The following MOB1B variants were observed in gnomAD, a reference collection of about 807,000 sequenced individuals.
MOB1B encodes the protein MOB1 Mps One Binder homolog B.
In MOB1B, 19 loss-of-function variants were observed where a neutral mutation model predicts 24.4. The ratio of observed to expected loss-of-function variants is 0.78; its 90% CI spans 0.54 to 1.14. The LOEUF (loss-of-function observed/expected upper bound fraction) is 1.14. MOB1B is among the 50% of genes most tolerant of loss of function. MOB1B has a pLI of 0.00. For synonymous variants in MOB1B, 76 were observed against 82.1 expected (o/e 0.93, Z 0.40); for missense variants, 243 against 259.6 (o/e 0.94, Z 0.44).
Position 70,975,177 on chromosome 4 carries a change from A to T in MOB1B, c.300A>T (p.Gly100=). 6.2e-7 allele frequency: 1 copy of T among 1,608,828 alleles called. No individual in the cohort carries two copies. Among genetic ancestry groups the T allele is most frequent in the Middle Eastern group, 1.7e-4 (1 of 6,028 alleles). ...GATATGAGTATCATTGGGCAGATGG[A>T]ACGAACATAAAGAAACCTATTAAGT... ...GPKYEYHWAD[G]TNIKKPIKCS... Residue 100 remains glycine, a synonymous_variant, in exon 4 of 6, where the codon GGA becomes GGT. Transcript: ENST00000309395.
Position 70,946,606 on chromosome 4 carries a change from A to G in MOB1B, c.15-12268A>G, listed in dbSNP as rs115157212. Reference sequence around the variant, plus strand: ...CATGTAAATATGCATATATATAGTCATTTGTTATTGAACATTTGAAAAATG... The same window carrying G: ...CATGTAAATATGCATATATATAGTCGTTTGTTATTGAACATTTGAAAAATG... On this transcript the variant is annotated intron_variant, in intron 1 of 5. Transcript: ENST00000309395. Among the ~76,000 whole-genome samples, 299 of 152,314 alleles carry G rather than the reference A, an allele frequency of 2.0e-3. 1 individual carries two copies. The highest frequency in any genetic ancestry group is 6.9e-3 in the African/African-American group (285 of 41,558).
intron 1 of MOB1B, among the ~76,000 whole-genome samples, chr4:70,951,465 T>G (rs1407015899): frequency 2.0e-5 from 3 of 152,228 alleles, no homozygotes; most frequent in African/African-American, 7.2e-5. Flanking sequence ...CTCTAAAAAT[T>G]GATTTGCCTT....
chr4:70,910,550 C>T (rs917373690), intron 1 of MOB1B, among the ~76,000 whole-genome samples: 1 of 151,638 alleles, frequency 6.6e-6, no homozygotes, highest in East Asian at 1.9e-4. Context: ...GCATTATTGT[C>T]TCATGATGCT....
At chr4:70,959,167 A>G in intron 2 of MOB1B, 127 bp downstream of exon 2, 2 of 697,906 alleles carry the variant, frequency 2.9e-6, no homozygotes, top group Non-Finnish European at 4.7e-6. Flanking sequence ...TGATATCTCA[A>G]TCTAACTTTA....
At chr4:70,910,418 T>G (rs1284501925) in intron 1 of MOB1B, among the ~76,000 whole-genome samples, 2 of 151,810 alleles carry the variant, frequency 1.3e-5, no homozygotes, top group Non-Finnish European at 2.9e-5. Context: ...CACATGCGTG[T>G]ATATACATAT....
At chr4:70,914,304 G>T (rs1288019698) in intron 1 of MOB1B, among the ~76,000 whole-genome samples, 3 of 152,216 alleles carry the variant, frequency 2.0e-5, no homozygotes. Context: ...AGGCAGTGTG[G>T]ATATAAGGAT....
intron 4 of MOB1B, 177 bp downstream of exon 4, chr4:70,975,463 A>C (rs1023923615): frequency 1.5e-6 from 2 of 1,332,558 alleles, no homozygotes; most frequent in African/African-American, 3.0e-5. Context: ...CAGTGGTAAA[A>C]TAAGCAAGTG....
Position 70,952,653 on chromosome 4 carries a change from A to C in MOB1B, c.15-6221A>C, listed in dbSNP as rs576583606. Among the ~76,000 whole-genome samples the C allele has an allele frequency of 7.2e-3, 1,087 of 151,476 alleles. 5 individuals carry two copies. The highest frequency in any genetic ancestry group is 0.011 in the Non-Finnish European group (760 of 67,856). ...GCGAGACGCCGTCTCAAAAAAAAAAAAAAAAACAAAACAAAAACAAAAAAA... is the reference window on the plus strand; with the variant it reads ...GCGAGACGCCGTCTCAAAAAAAAAACAAAAAACAAAACAAAAACAAAAAAA... On this transcript the variant is annotated intron_variant, in intron 1 of 5. Transcript: ENST00000309395.
At chr4:70,957,594 C>T (rs970052740) in intron 1 of MOB1B, among the ~76,000 whole-genome samples, 5 of 151,878 alleles carry the variant, frequency 3.3e-5, no homozygotes, top group Non-Finnish European at 7.4e-5. Context: ...TGCACCATCA[C>T]ACCTGGCTTA....
chr4:70,971,899 C>A (rs889016375), intron 3 of MOB1B, among the ~76,000 whole-genome samples: 1 of 151,856 alleles, frequency 6.6e-6, no homozygotes, highest in African/African-American at 2.4e-5. Flanking sequence ...CTCTCTTTCT[C>A]TTCTTTCTTC....
chr4:70,928,364 C>T (rs59789276), intron 1 of MOB1B, among the ~76,000 whole-genome samples: 3,299 of 146,062 alleles, frequency 0.023, 121 homozygotes, highest in African/African-American at 0.079. Flanking sequence ...AGTGTGATCT[C>T]GGCCCACTGC....
At chr4:70,925,897 A>G (rs890608450) in intron 1 of MOB1B, among the ~76,000 whole-genome samples, 7 of 152,010 alleles carry the variant, frequency 4.6e-5, no homozygotes, top group African/African-American at 1.7e-4. Context: ...CTCCTTCTGG[A>G]TTCTAAGTTT....
At position 70,979,842 on chromosome 4, in the gene MOB1B, T is replaced by G. The variant is rs79720036; in HGVS notation, c.573+551T>G. Among the ~76,000 whole-genome samples, 98 of 152,336 alleles carry G rather than the reference T, an allele frequency of 6.4e-4. 2 individuals carry two copies. In the East Asian group the frequency reaches 0.018, roughly 27 times the overall value. ...TCTTTGGTCTGACTTCCTAGTTAAC[T>G]TCCTCTTTTTTTAGTCTTCAAATAA... is the stretch of plus-strand genomic sequence containing the variant. On this transcript the variant is annotated intron_variant, in intron 5 of 5. Coordinates refer to ENST00000309395, the MANE Select transcript of MOB1B (RefSeq NM_173468.4).
intron 1 of MOB1B, among the ~76,000 whole-genome samples, chr4:70,954,348 G>T (rs1041773664): frequency 2.0e-5 from 3 of 152,222 alleles, no homozygotes; most frequent in Admixed American, 6.5e-5. Flanking sequence ...CACTGCTAAA[G>T]AAAAAATAGG....
rs561277990 is a variant in MOB1B at position 70,907,937 on chromosome 4, C to T, written c.14+5387C>T. On this transcript the variant is annotated intron_variant, in intron 1 of 5. Transcript: ENST00000309395. ...CTGGGATTATAGGTGCATGCTACCA[C>T]GCCTGGCTACAGTTAACTTATAAAT... is the stretch of plus-strand genomic sequence containing the variant. 5.9e-5 allele frequency among the ~76,000 whole-genome samples: 9 copies of T among 152,218 alleles called. 1 individual carries two copies. The highest frequency in any genetic ancestry group is 1.9e-4 in the African/African-American group (8 of 41,528).
intron 1 of MOB1B, among the ~76,000 whole-genome samples, chr4:70,918,080 A>G (rs575963334): frequency 6.1e-4 from 93 of 152,330 alleles, no homozygotes; most frequent in Admixed American, 4.0e-3. Context: ...TATATCCTAA[A>G]GAAGATTGAA....
chr4:70,987,895 G>A lies in MOB1B; in HGVS notation c.*5838G>A, dbSNP rs1739431703. 6.6e-6 allele frequency: 1 copy of A among 152,572 alleles called. No homozygotes were observed. Among genetic ancestry groups the A allele is most frequent in the Non-Finnish European group, 1.5e-5 (1 of 68,006 alleles). The allele number at this position is 152,572 out of a possible 1,614,324, so 9.5% of individuals were successfully genotyped here. A position where few individuals can be genotyped will look rare whatever the true frequency, so the allele number is the denominator to read the frequency against. On this transcript the variant is annotated 3_prime_UTR_variant, in exon 6 of 6. Transcript: ENST00000309395. ...GAAGGGGAAAAATCATCTAAGTTAT[G>A]AAATCCAACATAGGCGCTATATTAC...
At position 70,944,055 on chromosome 4, in the gene MOB1B, C is replaced by CT. The variant is rs940341639; in HGVS notation, c.15-14808dup. On this transcript the variant is annotated intron_variant, in intron 1 of 5. Coordinates refer to ENST00000309395, the MANE Select transcript of MOB1B (RefSeq NM_173468.4). Reference sequence around the variant, plus strand: ...TGGCAACTGCTAGATATCTGTAATACTTTTTTTTTTTGAGACGGAGTCTTG... The same window carrying CT: ...TGGCAACTGCTAGATATCTGTAATACTTTTTTTTTTTTGAGACGGAGTCTTG... Among the ~76,000 whole-genome samples, 287 of 147,886 alleles carry CT rather than the reference C, an allele frequency of 1.9e-3. No individual in the cohort carries two copies. In the East Asian group the frequency reaches 0.029, roughly 15 times the overall value.
rs183378572 is a variant in MOB1B at position 70,959,883 on chromosome 4, T to A, written c.181+843T>A. On this transcript the variant is annotated intron_variant, in intron 2 of 5. Transcript: ENST00000309395. ...GTTATTTGTCTAATTGTGCTTTTTTTATTTTTATTTTTATTTTGAGATCGA... is the reference window on the plus strand; with the variant it reads ...GTTATTTGTCTAATTGTGCTTTTTTAATTTTTATTTTTATTTTGAGATCGA... 1.2e-4 allele frequency among the ~76,000 whole-genome samples: 18 copies of A among 148,384 alleles called. No homozygotes were observed. In the East Asian group the frequency reaches 3.3e-3, roughly 27 times the overall value.
Sources: allele counts gnomAD v4.1 joint callset (sites outside exome capture counted in the v4.1 genomes callset), GRCh38; gene constraint gnomAD v4.1.1; transcripts MANE v1.5; gene names NCBI Gene and HGNC (gene_info 2026-07-23, HGNC 2026-07-21).